CTNNA2: variants seen among roughly 807,000 people sequenced by gnomAD.
The protein encoded by CTNNA2 is catenin alpha 2.
In CTNNA2, 42 loss-of-function variants were observed where a neutral mutation model predicts 101.0. The ratio of observed to expected loss-of-function variants is 0.42; its 90% CI spans 0.32 to 0.54. The LOEUF (loss-of-function observed/expected upper bound fraction) is 0.54, where lower values mean the gene tolerates loss of function less well. Among genes scored for constraint, CTNNA2 ranks in the 20% least tolerant of loss-of-function variants. The pLI is 0.14. For missense variants in CTNNA2, 871 were observed against 1,223.1 expected (o/e 0.71, Z 4.29); for synonymous variants, 450 against 456.4 (o/e 0.99, Z 0.18).
chr2:79,996,189 C>G (rs147142496), intron 7 of CTNNA2, among the ~76,000 whole-genome samples: 265 of 152,274 alleles, frequency 1.7e-3, no homozygotes, highest in African/African-American at 6.1e-3. Context: ...GAAGCATATG[C>G]TATATTGCTA....
chr2:79,587,140 G>C (rs555730478), intron 1 of CTNNA2, among the ~76,000 whole-genome samples: 8 of 152,166 alleles, frequency 5.3e-5, no homozygotes, highest in Non-Finnish European at 1.0e-4. Flanking sequence ...GTGTGCGCGT[G>C]TGTCTTTTTT....
At chr2:80,148,429 T>C (rs575471235) in intron 7 of CTNNA2, among the ~76,000 whole-genome samples, 21 of 152,330 alleles carry the variant, frequency 1.4e-4, no homozygotes, top group African/African-American at 5.0e-4. Context: ...CCAGCTGGCA[T>C]GTTCCAGTCC....
chr2:79,541,415 C>T (rs1673405875), intron 1 of CTNNA2, among the ~76,000 whole-genome samples: 1 of 59,748 alleles, frequency 1.7e-5, no homozygotes, highest in Admixed American at 1.6e-4. Context: ...CACATACACA[C>T]ACGCACACAC....
intron 7 of CTNNA2, among the ~76,000 whole-genome samples, chr2:79,914,899 C>T (rs1178332405): frequency 6.6e-6 from 1 of 151,734 alleles, no homozygotes; most frequent in Non-Finnish European, 1.5e-5. Context: ...AACATATATA[C>T]ATATTACAAG....
At chr2:79,342,914 C>G (rs1677169949) in intron 3 of CTNNA2, among the ~76,000 whole-genome samples, 1 of 152,174 alleles carries the variant, frequency 6.6e-6, no homozygotes, top group Non-Finnish European at 1.5e-5. Context: ...AGTCCCTTGT[C>G]TCTGCCTTCA....
chr2:79,603,824 G>T (rs562938812), intron 1 of CTNNA2, among the ~76,000 whole-genome samples: 1 of 152,298 alleles, frequency 6.6e-6, no homozygotes, highest in South Asian at 2.1e-4. Flanking sequence ...AGCTTGAGGA[G>T]CTATAGTATG....
intron 4 of CTNNA2, among the ~76,000 whole-genome samples, chr2:79,443,319 A>G (rs1427091883): frequency 6.6e-6 from 1 of 152,060 alleles, no homozygotes; most frequent in Non-Finnish European, 1.5e-5. Flanking sequence ...CGACCCAAGA[A>G]CCAGCAGAAC....
At chr2:80,625,769 T>C (rs1465841411) in intron 18 of CTNNA2, among the ~76,000 whole-genome samples, 1 of 152,092 alleles carries the variant, frequency 6.6e-6, no homozygotes, top group Non-Finnish European at 1.5e-5. Flanking sequence ...ATTCATACTT[T>C]CATTCATTTA....
At chr2:80,373,075 A>G (rs559786892) in intron 7 of CTNNA2, among the ~76,000 whole-genome samples, 139 of 152,328 alleles carry the variant, frequency 9.1e-4, no homozygotes, top group African/African-American at 3.1e-3. Flanking sequence ...GCCATGGCCC[A>G]GTGCCTAGCC....
At chr2:79,467,007 A>G (rs956247249) in intron 4 of CTNNA2, among the ~76,000 whole-genome samples, 2 of 152,218 alleles carry the variant, frequency 1.3e-5, no homozygotes, top group Non-Finnish European at 2.9e-5. Flanking sequence ...CTCGCTAACA[A>G]TGGAACAAAG....
chr2:79,663,295 A>G (rs1331664635), intron 2 of CTNNA2, among the ~76,000 whole-genome samples: 2 of 152,220 alleles, frequency 1.3e-5, no homozygotes, highest in African/African-American at 2.4e-5. Flanking sequence ...CAGAGTGATC[A>G]TTGAAAACAA....
chr2:80,249,743 A>G (rs1291440409), intron 7 of CTNNA2, among the ~76,000 whole-genome samples: 2 of 152,026 alleles, frequency 1.3e-5, no homozygotes, highest in African/African-American at 4.8e-5. Context: ...CATGTTACAC[A>G]TTGTTGTGAT....
chr2:79,839,253 C>T (rs1221278521), intron 3 of CTNNA2, among the ~76,000 whole-genome samples: 1 of 151,982 alleles, frequency 6.6e-6, no homozygotes, highest in Non-Finnish European at 1.5e-5. Flanking sequence ...GCTACTGTCT[C>T]CTGGCTTCCA....
chr2:80,263,435 A>G (rs959134006), intron 7 of CTNNA2, among the ~76,000 whole-genome samples: 25 of 152,152 alleles, frequency 1.6e-4, no homozygotes, highest in African/African-American at 5.8e-4. Flanking sequence ...CCTGGGTTCA[A>G]GTAATTCTTC....
intron 2 of CTNNA2, among the ~76,000 whole-genome samples, chr2:79,718,911 T>C (rs1267436212): frequency 6.6e-6 from 1 of 152,036 alleles, no homozygotes; most frequent in Non-Finnish European, 1.5e-5. Flanking sequence ...AATAGTTGTT[T>C]GATTTTTTTC....
At chr2:80,002,730 CT>C (rs1461045132) in intron 7 of CTNNA2, among the ~76,000 whole-genome samples, 3 of 152,124 alleles carry the variant, frequency 2.0e-5, no homozygotes, top group South Asian at 2.1e-4. Flanking sequence ...CCTCCACCCC[CT>C]GATCAATCAA....
intron 7 of CTNNA2, among the ~76,000 whole-genome samples, chr2:80,059,976 T>A (rs1697468631): frequency 6.6e-6 from 1 of 152,222 alleles, no homozygotes; most frequent in African/African-American, 2.4e-5. Context: ...ATCAATTGAT[T>A]CATCTATTAG....
chr2:80,555,520 T>C (rs1369689301), intron 11 of CTNNA2, among the ~76,000 whole-genome samples, 173 bp from the exon 12 acceptor site: 3 of 152,346 alleles, frequency 2.0e-5, no homozygotes, highest in Non-Finnish European at 2.9e-5. Context: ...GATGCTCAGG[T>C]TTGAGAACCA....
intron 15 of CTNNA2, among the ~76,000 whole-genome samples, chr2:80,590,485 G>A (rs549148776): frequency 1.3e-5 from 2 of 151,836 alleles, no homozygotes; most frequent in South Asian, 2.1e-4. Context: ...ATGATTTAAC[G>A]TGGCATTTGT....
Sources: gnomAD v4.1 joint callset for allele counts (sites outside exome capture counted in the v4.1 genomes callset) on GRCh38, gnomAD v4.1.1 for gene constraint, MANE v1.5 for transcripts, NCBI Gene and HGNC (gene_info 2026-07-23, HGNC 2026-07-21) for gene names.